The following CADPS2 variants were observed in gnomAD, a reference collection of about 807,000 sequenced individuals.
CADPS2 encodes the protein calcium-dependent secretion activator 2.
Under a neutral mutation model 172.5 loss-of-function variants are expected in CADPS2, and 93 were observed. That is an observed-to-expected ratio of 0.54 (90% confidence interval 0.46 to 0.64). The LOEUF is 0.64. Ranked by LOEUF, CADPS2 falls within the 30% of genes least tolerant of loss-of-function variation. CADPS2 has a pLI of 0.00. For synonymous variants in CADPS2, 546 were observed against 555.2 expected (o/e 0.98, Z 0.23); for missense variants, 1,420 against 1,565.9 (o/e 0.91, Z 1.57).
chr7:122,826,684 T>C (rs1483180428), intron 1 of CADPS2, among the ~76,000 whole-genome samples: 2 of 151,926 alleles, frequency 1.3e-5, no homozygotes, highest in South Asian at 2.1e-4. Flanking sequence ...TAAAAATGCA[T>C]TGGTTGGACT....
chr7:122,555,398 C>T (rs6964649), intron 7 of CADPS2, among the ~76,000 whole-genome samples: 56,302 of 151,872 alleles, frequency 0.37, 10,819 homozygotes, highest in Middle Eastern at 0.44. Flanking sequence ...ACAAGGTATT[C>T]TCCCCCTTTT....
intron 27 of CADPS2, among the ~76,000 whole-genome samples, chr7:122,351,219 A>G (rs963560124): frequency 6.0e-5 from 9 of 150,934 alleles, no homozygotes; most frequent in Non-Finnish European, 1.3e-4. Context: ...TAAAAATACA[A>G]AAAATTAGCT....
intron 23 of CADPS2, among the ~76,000 whole-genome samples, chr7:122,387,647 G>A (rs114509612): frequency 1.3e-5 from 2 of 152,064 alleles, no homozygotes. Flanking sequence ...CAGACAATGT[G>A]TAATTCTTTT....
intron 8 of CADPS2, among the ~76,000 whole-genome samples, chr7:122,525,703 G>A (rs1426150064): frequency 6.6e-6 from 1 of 152,082 alleles, no homozygotes; most frequent in Non-Finnish European, 1.5e-5. Flanking sequence ...AAACCCAGAT[G>A]GTACAGCCTA....
At chr7:122,342,880 T>C (rs1003044280) in intron 28 of CADPS2, among the ~76,000 whole-genome samples, 3 of 152,194 alleles carry the variant, frequency 2.0e-5, no homozygotes, top group Admixed American at 6.5e-5. Context: ...TTATCTGTAA[T>C]AGGCTAAGGT....
At chr7:122,386,721 C>T (rs2043732123) in intron 24 of CADPS2, among the ~76,000 whole-genome samples, 1 of 152,068 alleles carries the variant, frequency 6.6e-6, no homozygotes, top group African/African-American at 2.4e-5. Flanking sequence ...AAACAGGTAG[C>T]TTTCCAGCTT....
At chr7:122,527,613 AGAGAGT>A (rs1186766474) in intron 8 of CADPS2, among the ~76,000 whole-genome samples, 15 of 101,994 alleles carry the variant, frequency 1.5e-4, no homozygotes, top group African/African-American at 4.6e-4. Context: ...AGAGAGAGAG[AGAGAGT>A]GTGTGTGTGT....
intron 14 of CADPS2, among the ~76,000 whole-genome samples, chr7:122,454,233 T>C (rs552822174): frequency 6.6e-6 from 1 of 152,312 alleles, no homozygotes; most frequent in South Asian, 2.1e-4. Context: ...TCTGGTATTT[T>C]GTACTGGCTA....
chr7:122,854,877 A>C (rs1814733936), intron 1 of CADPS2, among the ~76,000 whole-genome samples: 1 of 152,252 alleles, frequency 6.6e-6, no homozygotes, highest in African/African-American at 2.4e-5. Context: ...TCAAAAAGGA[A>C]TCATGCCCTT....
intron 27 of CADPS2, among the ~76,000 whole-genome samples, chr7:122,350,182 C>A (rs1289226123): frequency 3.9e-5 from 6 of 151,952 alleles, no homozygotes; most frequent in African/African-American, 1.5e-4. Context: ...CCATTCATTA[C>A]CATTTGAGAA....
At chr7:122,461,551 C>T (rs912305071) in intron 14 of CADPS2, among the ~76,000 whole-genome samples, 3 of 152,080 alleles carry the variant, frequency 2.0e-5, no homozygotes, top group Admixed American at 2.0e-4. Context: ...GAGGAATCAT[C>T]CTCAAAAGAC....
At chr7:122,393,120 AAC>A in intron 22 of CADPS2, 74 bp downstream of exon 22, 1 of 1,544,160 alleles carries the variant, frequency 6.5e-7, no homozygotes, top group Non-Finnish European at 8.8e-7. Context: ...ATGCAGTCTA[AAC>A]ACATCTGCGC....
chr7:122,869,109 G>A (rs1303003091), intron 1 of CADPS2, among the ~76,000 whole-genome samples: 2 of 151,886 alleles, frequency 1.3e-5, no homozygotes, highest in Non-Finnish European at 2.9e-5. Flanking sequence ...ACCAGAGGGA[G>A]AAAAGAAAAA....
chr7:122,326,670 GA>G (rs1288812699), intron 28 of CADPS2, among the ~76,000 whole-genome samples: 4 of 151,008 alleles, frequency 2.6e-5, no homozygotes, highest in African/African-American at 4.9e-5. Flanking sequence ...TTTAAACACC[GA>G]AAAAAAATTA....
chr7:122,709,311 C>T (rs935537008), intron 2 of CADPS2, among the ~76,000 whole-genome samples: 1 of 152,062 alleles, frequency 6.6e-6, no homozygotes, highest in African/African-American at 2.4e-5. Flanking sequence ...AAAAAATGCT[C>T]ATCATCACTG....
At chr7:122,461,491 CACAAAAGA>C (rs1390648332) in intron 14 of CADPS2, among the ~76,000 whole-genome samples, 2 of 152,018 alleles carry the variant, frequency 1.3e-5, no homozygotes, top group African/African-American at 4.8e-5. Context: ...ACTTACAAAA[CACAAAAGA>C]ACAAAAGAAT....
chr7:122,790,740 G>A (rs982699253), intron 1 of CADPS2, among the ~76,000 whole-genome samples: 3 of 152,088 alleles, frequency 2.0e-5, no homozygotes, highest in African/African-American at 7.2e-5. Flanking sequence ...TCTGAAATTT[G>A]TTTTAAGATA....
intron 15 of CADPS2, 31 bp from the exon 16 acceptor site, chr7:122,441,606 C>T: frequency 7.1e-7 from 1 of 1,408,008 alleles, no homozygotes; most frequent in South Asian, 1.3e-5. Flanking sequence ...ACAAAAGAGT[C>T]AAACATTTAA....
In CADPS2 at chr7:122,737,051, CAA is replaced by C; in HGVS notation, c.355_356del (p.Leu119AlafsTer20). The C allele has an allele frequency of 6.3e-7, 1 of 1,599,292 alleles. No homozygotes were observed. The highest frequency in any genetic ancestry group is 8.6e-7 in the Non-Finnish European group (1 of 1,167,216). On this transcript the variant is annotated frameshift_variant, in exon 2 of 30. Transcript: ENST00000449022. LOFTEE classifies it high-confidence loss of function. ...RRQQKLNKQQ[L>X]QLLKERFQAF... ...CCTGGAACCGTTCTTTCAGTAACTG[CAA>C]CTGTTGTTTGTTAAGCTACAAGAAA...
Sources: allele counts gnomAD v4.1 joint callset (sites outside exome capture counted in the v4.1 genomes callset), GRCh38; gene constraint gnomAD v4.1.1; transcripts MANE v1.5; gene names NCBI Gene and HGNC (gene_info 2026-07-23, HGNC 2026-07-21).